The following NKAIN3 variants were observed in gnomAD, a reference collection of about 807,000 sequenced individuals.
NKAIN3 encodes sodium/potassium transporting ATPase interacting 3.
NKAIN3 carries 25 observed loss-of-function variants against 30.2 expected under a neutral mutation model. The ratio of observed to expected loss-of-function variants is 0.83; its 90% CI spans 0.60 to 1.16. The LOEUF (loss-of-function observed/expected upper bound fraction) is 1.16, where lower values mean the gene tolerates loss of function less well. Ranked by LOEUF, NKAIN3 falls within the 50% of genes most tolerant of loss-of-function variation. The probability of loss-of-function intolerance (pLI) is 0.00; values close to 1 mark genes in which losing one functional copy is unlikely to be tolerated. For synonymous variants in NKAIN3, 91 were observed against 89.6 expected (o/e 1.02, Z -0.09); for missense variants, 225 against 254.1 (o/e 0.89, Z 0.78).
chr8:62,355,345 T>C (rs953679103), intron 1 of NKAIN3, among the ~76,000 whole-genome samples: 1 of 152,218 alleles, frequency 6.6e-6, no homozygotes, highest in Non-Finnish European at 1.5e-5. Flanking sequence ...CAAGACAGTT[T>C]ATGCTGTTTC....
chr8:62,737,106 G>C (rs1815698942), intron 3 of NKAIN3, among the ~76,000 whole-genome samples: 1 of 152,116 alleles, frequency 6.6e-6, no homozygotes, highest in Non-Finnish European at 1.5e-5. Context: ...GATTCTCTTG[G>C]CTTTTTGTTG....
chr8:62,775,737 G>C (rs548637389), intron 4 of NKAIN3, among the ~76,000 whole-genome samples: 2 of 151,934 alleles, frequency 1.3e-5, no homozygotes, highest in South Asian at 4.1e-4. Context: ...TTGATTTCTA[G>C]TTTTTTCTAG....
intron 3 of NKAIN3, among the ~76,000 whole-genome samples, chr8:62,611,904 C>A (rs573474550): frequency 5.9e-5 from 9 of 152,094 alleles, no homozygotes; most frequent in African/African-American, 2.2e-4. Flanking sequence ...ACATTCCCAC[C>A]AACAGCATAT....
chr8:62,740,411 G>A (rs1211209745), intron 3 of NKAIN3, among the ~76,000 whole-genome samples: 1 of 152,112 alleles, frequency 6.6e-6, no homozygotes, highest in Non-Finnish European at 1.5e-5. Context: ...AAAGTAGATG[G>A]CTATATAAAA....
intron 3 of NKAIN3, among the ~76,000 whole-genome samples, chr8:62,618,612 A>G (rs1043314567): frequency 6.6e-6 from 1 of 152,104 alleles, no homozygotes; most frequent in African/African-American, 2.4e-5. Context: ...GAAAGAAGAA[A>G]GAAAGAAAGA....
At chr8:62,458,005 G>A (rs181239611) in intron 1 of NKAIN3, among the ~76,000 whole-genome samples, 220 of 152,244 alleles carry the variant, frequency 1.4e-3, no homozygotes, top group Non-Finnish European at 2.8e-3. Flanking sequence ...TGCATAGGTA[G>A]GCCCTCGACG....
intron 4 of NKAIN3, among the ~76,000 whole-genome samples, chr8:62,902,082 A>T (rs1452609287): frequency 3.3e-5 from 5 of 152,154 alleles, no homozygotes; most frequent in Non-Finnish European, 7.4e-5. Context: ...TCTGCCATCC[A>T]CTGCCTCCCA....
chr8:62,351,025 C>A (rs1297337322), intron 1 of NKAIN3, among the ~76,000 whole-genome samples: 1 of 150,746 alleles, frequency 6.6e-6, no homozygotes, highest in Non-Finnish European at 1.5e-5. Flanking sequence ...AGTGATCAAG[C>A]AGAGCAATCA....
At chr8:62,367,092 A>G (rs1816761036) in intron 1 of NKAIN3, among the ~76,000 whole-genome samples, 1 of 152,204 alleles carries the variant, frequency 6.6e-6, no homozygotes, top group South Asian at 2.1e-4. Context: ...ATTTGTTAAG[A>G]CATGTTTTAT....
chr8:62,365,132 A>G (rs1406749055), intron 1 of NKAIN3, among the ~76,000 whole-genome samples: 1 of 152,174 alleles, frequency 6.6e-6, no homozygotes, highest in Non-Finnish European at 1.5e-5. Context: ...ACTTCATTTT[A>G]ATATTGGGAA....
chr8:62,780,136 A>G (rs1468529115), intron 4 of NKAIN3, among the ~76,000 whole-genome samples: 1 of 152,166 alleles, frequency 6.6e-6, no homozygotes, highest in African/African-American at 2.4e-5. Context: ...AGAAATATAA[A>G]TGATCATCAG....
intron 1 of NKAIN3, among the ~76,000 whole-genome samples, chr8:62,296,631 A>G (rs1192661189): frequency 6.6e-6 from 1 of 152,144 alleles, no homozygotes; most frequent in Admixed American, 6.6e-5. Flanking sequence ...GAAACCTTAA[A>G]TTTTCACAGT....
At chr8:62,937,700 G>T (rs181403354) in intron 5 of NKAIN3, among the ~76,000 whole-genome samples, 17 of 152,032 alleles carry the variant, frequency 1.1e-4, no homozygotes, top group East Asian at 3.9e-4. Context: ...GTAGTGGGGG[G>T]GCAAAAGGGA....
intron 3 of NKAIN3, among the ~76,000 whole-genome samples, chr8:62,643,378 A>G (rs946747302): frequency 2.6e-5 from 4 of 152,144 alleles, no homozygotes; most frequent in Non-Finnish European, 2.9e-5. Flanking sequence ...TTGGCAACAT[A>G]TAAGTCTCCA....
chr8:62,691,524 A>G (rs560350645), intron 3 of NKAIN3, among the ~76,000 whole-genome samples: 1 of 152,324 alleles, frequency 6.6e-6, no homozygotes, highest in African/African-American at 2.4e-5. Context: ...TTTTAACATA[A>G]CTACAATGTT....
At chr8:62,554,132 A>T (rs900472078) in intron 1 of NKAIN3, among the ~76,000 whole-genome samples, 4 of 152,208 alleles carry the variant, frequency 2.6e-5, no homozygotes, top group African/African-American at 9.7e-5. Context: ...AATAGAGGCA[A>T]TCTCTTACTT....
intron 1 of NKAIN3, among the ~76,000 whole-genome samples, chr8:62,440,986 C>T (rs544026974): frequency 2.6e-5 from 4 of 152,200 alleles, no homozygotes; most frequent in South Asian, 2.1e-4. Flanking sequence ...CCATGTTACC[C>T]GCCTCCATTT....
intron 1 of NKAIN3, among the ~76,000 whole-genome samples, chr8:62,551,341 G>C (rs1012895667): frequency 5.3e-5 from 8 of 152,036 alleles, no homozygotes; most frequent in Admixed American, 3.3e-4. Flanking sequence ...TAGAGTTTTT[G>C]TTTTGTTTTT....
At chr8:62,624,165 G>A (rs1201151497) in intron 3 of NKAIN3, among the ~76,000 whole-genome samples, 1 of 152,068 alleles carries the variant, frequency 6.6e-6, no homozygotes, top group Non-Finnish European at 1.5e-5. Flanking sequence ...ACTTGGTTTT[G>A]ATGAGTTTGG....
Sources: gnomAD v4.1 joint callset for allele counts (sites outside exome capture counted in the v4.1 genomes callset) on GRCh38, gnomAD v4.1.1 for gene constraint, MANE v1.5 for transcripts, NCBI Gene and HGNC (gene_info 2026-07-23, HGNC 2026-07-21) for gene names.